Variants in FAM3C observed in about 807,000 individuals in gnomAD.
The protein encoded by FAM3C is FAM3 metabolism regulating signaling molecule C.
A neutral mutation model predicts 32.5 loss-of-function variants in FAM3C; 15 were observed. That is an observed-to-expected ratio of 0.46 (90% CI 0.31 to 0.71). The LOEUF (loss-of-function observed/expected upper bound fraction) is 0.71. FAM3C is among the 30% of genes least tolerant of loss of function. The probability of loss-of-function intolerance (pLI) is 0.05; values close to 1 mark genes in which losing one functional copy is unlikely to be tolerated. For missense variants in FAM3C, 175 were observed against 274.4 expected, an observed-to-expected ratio of 0.64 and a Z score of 2.56; for synonymous variants, 75 against 86.1, an observed-to-expected ratio of 0.87 and a Z score of 0.72.
intron 8 of FAM3C, among the ~76,000 whole-genome samples, chr7:121,354,492 G>A (rs1793769802): frequency 6.6e-6 from 1 of 152,192 alleles, no homozygotes; most frequent in Admixed American, 6.5e-5. Flanking sequence ...CTGGACACAG[G>A]AATCTGTGGG....
chr7:121,355,429 G>A (rs1204418734), intron 8 of FAM3C, among the ~76,000 whole-genome samples: 2 of 152,134 alleles, frequency 1.3e-5, no homozygotes, highest in Non-Finnish European at 2.9e-5. Context: ...AAACTAATGT[G>A]AATTCCTACC....
At chr7:121,381,318 A>C (rs919659871) in intron 2 of FAM3C, among the ~76,000 whole-genome samples, 10 of 152,206 alleles carry the variant, frequency 6.6e-5, no homozygotes, top group Non-Finnish European at 1.5e-4. Flanking sequence ...GATTTTTTTA[A>C]AAAAATTAGA....
chr7:121,368,228 T>G (rs2707480), intron 5 of FAM3C, among the ~76,000 whole-genome samples: 2 of 151,974 alleles, frequency 1.3e-5, no homozygotes, highest in African/African-American at 4.8e-5. Context: ...AGCTGACCTA[T>G]GCACTGAAAG....
intron 3 of FAM3C, among the ~76,000 whole-genome samples, chr7:121,377,703 T>C (rs1029886621): frequency 2.6e-5 from 4 of 152,220 alleles, no homozygotes; most frequent in African/African-American, 9.7e-5. Context: ...TGCCATCAGA[T>C]TATAGTACTA....
chr7:121,373,083 T>C (rs1794178686), intron 3 of FAM3C, among the ~76,000 whole-genome samples: 1 of 152,164 alleles, frequency 6.6e-6, no homozygotes, highest in East Asian at 1.9e-4. Flanking sequence ...AAAAGCTTAA[T>C]GCCCAGAACA....
At chr7:121,378,335 T>A (rs1054747679) in intron 3 of FAM3C, among the ~76,000 whole-genome samples, 11 of 152,016 alleles carry the variant, frequency 7.2e-5, no homozygotes, top group African/African-American at 2.7e-4. Context: ...TCTTTTTTTT[T>A]AAGAGATGAG....
chr7:121,354,744 C>T (rs1388150088), intron 8 of FAM3C, among the ~76,000 whole-genome samples: 1 of 152,130 alleles, frequency 6.6e-6, no homozygotes, highest in East Asian at 1.9e-4. Context: ...AATGACGACC[C>T]AGCCTAGACT....
chr7:121,371,593 A>C (rs540986418), intron 4 of FAM3C, among the ~76,000 whole-genome samples, 170 bp from the exon 5 acceptor site: 6 of 152,130 alleles, frequency 3.9e-5, no homozygotes, highest in Non-Finnish European at 8.8e-5. Context: ...ACCTCAAAAA[A>C]TTTTTTTAAA....
chr7:121,388,934 T>C (rs10248910), intron 1 of FAM3C, among the ~76,000 whole-genome samples: 2,846 of 152,242 alleles, frequency 0.019, 99 homozygotes, highest in African/African-American at 0.065. Context: ...CTCTACCTTG[T>C]TTTTCATTTG....
Position 121,362,633 on chromosome 7 carries a change from CA to C in FAM3C, c.382+263del, listed in dbSNP as rs1793948098. The C allele has an allele frequency of 2.6e-5, 10 of 391,812 alleles. No homozygotes were observed. In the East Asian group the frequency reaches 4.7e-4, roughly 19 times the overall value. The allele number at this position is 391,812 out of a possible 1,614,324, so 24.3% of individuals were successfully genotyped here. A position where few individuals can be genotyped will look rare whatever the true frequency, so the allele number is the denominator to read the frequency against. ...TTTGAATTGGTTGTCCTGTAGAAAA[CA>C]AGATGACTTTTTTTAAAAAAATCTC... On this transcript the variant is annotated intron_variant, in intron 7 of 9. Coordinates refer to ENST00000359943, the MANE Select transcript of FAM3C (RefSeq NM_014888.3).
intron 8 of FAM3C, among the ~76,000 whole-genome samples, chr7:121,359,483 A>G (rs1336176446): frequency 6.6e-6 from 1 of 152,072 alleles, no homozygotes; most frequent in African/African-American, 2.4e-5. Context: ...AGTCATCTGG[A>G]ATAGAAACTA....
intron 8 of FAM3C, among the ~76,000 whole-genome samples, chr7:121,359,144 T>A (rs1037110410): frequency 6.6e-6 from 1 of 151,920 alleles, no homozygotes; most frequent in African/African-American, 2.4e-5. Context: ...ATTTTTAAAA[T>A]CCATTTTTAA....
chr7:121,357,962 C>A (rs1389006882), intron 8 of FAM3C, among the ~76,000 whole-genome samples: 1 of 152,024 alleles, frequency 6.6e-6, no homozygotes, highest in African/African-American at 2.4e-5. Context: ...AAAAGTGGGG[C>A]CTTTTCTTTT....
intron 8 of FAM3C, among the ~76,000 whole-genome samples, chr7:121,353,526 G>C (rs1793749424): frequency 6.6e-6 from 1 of 152,200 alleles, no homozygotes; most frequent in Admixed American, 6.5e-5. Context: ...TGGCCACTTG[G>C]ATTTGCGGAG....
At chr7:121,365,903 CAACA>C (rs1794015862) in intron 5 of FAM3C, among the ~76,000 whole-genome samples, 1 of 152,096 alleles carries the variant, frequency 6.6e-6, no homozygotes, top group South Asian at 2.1e-4. Context: ...CAAAGGGTTT[CAACA>C]GACATTTCTC....
At chr7:121,393,195 T>C (rs1011559337) in intron 1 of FAM3C, among the ~76,000 whole-genome samples, 12 of 152,272 alleles carry the variant, frequency 7.9e-5, no homozygotes, top group Admixed American at 5.2e-4. Flanking sequence ...TAGGGGCTCA[T>C]GTCTGTAATC....
intron 3 of FAM3C, among the ~76,000 whole-genome samples, chr7:121,378,652 C>T (rs1794288364): frequency 6.6e-6 from 1 of 152,052 alleles, no homozygotes; most frequent in Non-Finnish European, 1.5e-5. Context: ...CTTAGAATGC[C>T]ATGATTAATG....
At chr7:121,361,326 A>T (rs919893827) in intron 7 of FAM3C, among the ~76,000 whole-genome samples, 7 of 152,234 alleles carry the variant, frequency 4.6e-5, no homozygotes, top group African/African-American at 1.7e-4. Flanking sequence ...TCGATAACTG[A>T]TTATATTTCA....
intron 5 of FAM3C, among the ~76,000 whole-genome samples, chr7:121,365,277 GATAAA>G (rs1794003232): frequency 6.6e-6 from 1 of 152,060 alleles, no homozygotes. Flanking sequence ...ATGTTAATAA[GATAAA>G]ATAAAGAAAA....
Sources: gnomAD v4.1 joint callset for allele counts (sites outside exome capture counted in the v4.1 genomes callset) on GRCh38, gnomAD v4.1.1 for gene constraint, MANE v1.5 for transcripts, NCBI Gene and HGNC (gene_info 2026-07-23, HGNC 2026-07-21) for gene names.